The following SMAD6 variants were observed in gnomAD, a reference collection of about 807,000 sequenced individuals.
The protein encoded by SMAD6 is MAD homolog 6.
A neutral mutation model predicts 39.4 loss-of-function variants in SMAD6; 103 were observed. The observed-to-expected ratio is 2.62, with a 90% CI of 2.23 to 3.08. The LOEUF (loss-of-function observed/expected upper bound fraction) is 3.08, where lower values mean the gene tolerates loss of function less well. Ranked by LOEUF, SMAD6 falls within the 30% of genes most tolerant of loss-of-function variation. SMAD6 has a pLI of 0.00. For synonymous variants in SMAD6, 445 were observed against 353.3 expected, an observed-to-expected ratio of 1.26 and a Z score of -2.91; for missense variants, 1,104 against 742.9, an observed-to-expected ratio of 1.49 and a Z score of -5.65.
chr15:66,702,312 G>C lies in SMAD6; in HGVS notation c.-947G>C, dbSNP rs1163995550. On this transcript the variant is annotated 5_prime_UTR_variant, in exon 1 of 4. Coordinates refer to ENST00000288840, the MANE Select transcript of SMAD6 (RefSeq NM_005585.5). ...GTGTGCGTTTGAGGAGAACAAAAAAGAGAGAGAGAGCCGAGCGGGGGAGCG... is the reference window on the plus strand; with the variant it reads ...GTGTGCGTTTGAGGAGAACAAAAAACAGAGAGAGAGCCGAGCGGGGGAGCG... 6.7e-6 allele frequency: 1 copy of C among 149,660 alleles called. No homozygotes were observed. Among genetic ancestry groups the C allele is most frequent in the African/African-American group, 2.4e-5 (1 of 41,016 alleles). The allele number at this position is 149,660 out of a possible 1,614,324, so 9.3% of individuals were successfully genotyped here.
At chr15:66,739,344 C>G (rs1000924641) in intron 3 of SMAD6, among the ~76,000 whole-genome samples, 1 of 151,994 alleles carries the variant, frequency 6.6e-6, no homozygotes, top group Non-Finnish European at 1.5e-5. Context: ...CCACCTTGGC[C>G]TCCCAAAGTG....
chr15:66,711,097 G>A (rs1362752345), intron 1 of SMAD6, among the ~76,000 whole-genome samples: 1 of 152,132 alleles, frequency 6.6e-6, no homozygotes, highest in Non-Finnish European at 1.5e-5. Flanking sequence ...AGTTAAATTC[G>A]AGTATCAGAT....
At chr15:66,779,294 C>T (rs1894518798) in intron 3 of SMAD6, among the ~76,000 whole-genome samples, 1 of 152,204 alleles carries the variant, frequency 6.6e-6, no homozygotes, top group Non-Finnish European at 1.5e-5. Context: ...GGACCTCTTC[C>T]TCCTCTCCTG....
At chr15:66,753,204 C>T (rs973685023) in intron 3 of SMAD6, among the ~76,000 whole-genome samples, 2 of 152,162 alleles carry the variant, frequency 1.3e-5, no homozygotes, top group Non-Finnish European at 2.9e-5. Flanking sequence ...GTCCCTGAGG[C>T]CTGATGAGAC....
At position 66,702,305 on chromosome 15, in the gene SMAD6, CAAAA is replaced by C. The variant is rs1362085845; in HGVS notation, c.-951_-948del. ...GCCCTCAGTGTGCGTTTGAGGAGAA[CAAAA>C]AAGAGAGAGAGAGCCGAGCGGGGGA... On this transcript the variant is annotated 5_prime_UTR_variant, in exon 1 of 4. It introduces an in-frame stop codon into an upstream open reading frame of the 5' UTR. Coordinates refer to ENST00000288840, the MANE Select transcript of SMAD6 (RefSeq NM_005585.5). 6.6e-6 allele frequency: 1 copy of C among 151,570 alleles called. No individual in the cohort carries two copies. The highest frequency in any genetic ancestry group is 2.4e-5 in the African/African-American group (1 of 41,210). The allele number at this position is 151,570 out of a possible 1,614,324, so 9.4% of individuals were successfully genotyped here.
At chr15:66,771,114 CA>C (rs1459959499) in intron 3 of SMAD6, among the ~76,000 whole-genome samples, 1 of 152,156 alleles carries the variant, frequency 6.6e-6, no homozygotes, top group East Asian at 1.9e-4. Flanking sequence ...TTGGCATGGC[CA>C]GACCGGTGAG....
chr15:66,745,395 G>A (rs542682285), intron 3 of SMAD6, among the ~76,000 whole-genome samples: 1 of 151,518 alleles, frequency 6.6e-6, no homozygotes, highest in South Asian at 2.1e-4. Flanking sequence ...CCCAAGAGAG[G>A]ACTCTCCTCA....
At chr15:66,751,117 C>G (rs925185792) in intron 3 of SMAD6, among the ~76,000 whole-genome samples, 2 of 152,110 alleles carry the variant, frequency 1.3e-5, no homozygotes, top group African/African-American at 2.4e-5. Context: ...GAGAACGCCC[C>G]GTGCCTGAGA....
At chr15:66,725,091 T>C (rs1170329013) in intron 3 of SMAD6, among the ~76,000 whole-genome samples, 1 of 152,216 alleles carries the variant, frequency 6.6e-6, no homozygotes, top group East Asian at 1.9e-4. Context: ...AAAGTTTCCT[T>C]GTCAGGGTAG....
intron 3 of SMAD6, among the ~76,000 whole-genome samples, chr15:66,732,537 AT>A (rs1893648254): frequency 6.6e-6 from 1 of 151,662 alleles, no homozygotes; most frequent in South Asian, 2.1e-4. Context: ...TATTTTATAT[AT>A]TTTTCTAGAG....
At position 66,781,040 on chromosome 15, in the gene SMAD6, C is replaced by G; in HGVS notation, c.996C>G (p.Cys332Trp). 1.9e-6 allele frequency: 3 copies of G among 1,599,916 alleles called. No individual in the cohort carries two copies. The highest frequency in any genetic ancestry group is 2.5e-6 in the Non-Finnish European group (3 of 1,177,612). ...ACGCCACCAAGCCGAGCCACTGGTG[C>G]AGCGTGGCGTACTGGGAGCACCGGA... ...SPDATKPSHW[C>W]SVAYWEHRTR... Residue 332 changes from cysteine to tryptophan, a missense_variant, in exon 4 of 4, where the codon TGC becomes TGG. Cys to Trp is a radical substitution (Grantham distance 215, BLOSUM62 -2). Coordinates refer to ENST00000288840, the MANE Select transcript of SMAD6 (RefSeq NM_005585.5).
At chr15:66,739,105 T>A (rs1274940792) in intron 3 of SMAD6, among the ~76,000 whole-genome samples, 7 of 115,716 alleles carry the variant, frequency 6.0e-5, no homozygotes, top group South Asian at 2.8e-4. Flanking sequence ...TTTTTTTTTT[T>A]ATTGAGACGG....
rs1894585407 is a variant in SMAD6 at position 66,781,861 on chromosome 15, TATATATA to T, written c.*328_*334del. On this transcript the variant is annotated 3_prime_UTR_variant, in exon 4 of 4. Coordinates refer to ENST00000288840, the MANE Select transcript of SMAD6 (RefSeq NM_005585.5). ...CTTCCTCTTCCTTACTTTTTATATA[TATATATA>T]AAGAAAATGATACAGCAGAGCTAGG... 1 of 398,670 alleles carries T rather than the reference TATATATA, an allele frequency of 2.5e-6. No homozygotes were observed. The highest frequency in any genetic ancestry group is 4.4e-6 in the Non-Finnish European group (1 of 226,036). 24.7% of individuals were successfully genotyped at this position (398,670 alleles called of 1,614,324 possible).
chr15:66,735,499 G>GAT (rs1893697789), intron 3 of SMAD6, among the ~76,000 whole-genome samples: 2 of 152,208 alleles, frequency 1.3e-5, no homozygotes. Flanking sequence ...CAAAAATCTT[G>GAT]ATAACTGTTG....
intron 1 of SMAD6, among the ~76,000 whole-genome samples, chr15:66,711,402 G>A (rs1893223274): frequency 6.6e-6 from 1 of 152,170 alleles, no homozygotes; most frequent in African/African-American, 2.4e-5. Flanking sequence ...TTTTAGAGCT[G>A]AGGAAACAGG....
chr15:66,756,043 AAC>A (rs1491441192), intron 3 of SMAD6, among the ~76,000 whole-genome samples: 8 of 151,386 alleles, frequency 5.3e-5, no homozygotes, highest in African/African-American at 1.7e-4. Context: ...AAAAAAAAAA[AAC>A]TAATTAGAGG....
chr15:66,753,155 T>C (rs1459492013), intron 3 of SMAD6, among the ~76,000 whole-genome samples: 1 of 152,202 alleles, frequency 6.6e-6, no homozygotes, highest in Non-Finnish European at 1.5e-5. Context: ...CTTGTCTTCC[T>C]TCCTCTTCTC....
At chr15:66,773,046 G>A (rs912084880) in intron 3 of SMAD6, among the ~76,000 whole-genome samples, 3 of 152,230 alleles carry the variant, frequency 2.0e-5, no homozygotes, top group Non-Finnish European at 4.4e-5. Context: ...CTGCCTGGAG[G>A]GTGGTGGCCA....
intron 1 of SMAD6, among the ~76,000 whole-genome samples, chr15:66,710,704 T>G (rs968033127): frequency 1.3e-5 from 2 of 152,216 alleles, no homozygotes; most frequent in African/African-American, 4.8e-5. Flanking sequence ...TTTAGCAAAT[T>G]GTTACTTCCC....
Sources: gnomAD v4.1 joint callset for allele counts (sites outside exome capture counted in the v4.1 genomes callset) on GRCh38, gnomAD v4.1.1 for gene constraint, MANE v1.5 for transcripts, NCBI Gene and HGNC (gene_info 2026-07-23, HGNC 2026-07-21) for gene names.